Variants in GALNTL6 observed in about 807,000 individuals in gnomAD.
The protein encoded by GALNTL6 is polypeptide N-acetylgalactosaminyltransferase like 6.
In GALNTL6, 46 loss-of-function variants were observed where a neutral mutation model predicts 73.7. That is an observed-to-expected ratio of 0.62 (90% CI 0.49 to 0.80). The LOEUF is 0.80. Ranked by LOEUF, GALNTL6 falls within the 30% of genes least tolerant of loss-of-function variation. GALNTL6 has a pLI of 0.00. For missense variants in GALNTL6, 604 were observed against 755.0 expected, an observed-to-expected ratio of 0.80 and a Z score of 2.34; for synonymous variants, 259 against 263.7, an observed-to-expected ratio of 0.98 and a Z score of 0.17.
intron 7 of GALNTL6, among the ~76,000 whole-genome samples, chr4:172,821,511 TC>T (rs1172348137): frequency 1.3e-5 from 2 of 152,216 alleles, no homozygotes; most frequent in African/African-American, 4.8e-5. Context: ...ATTGCCTTGC[TC>T]CCCATACTGT....
chr4:171,982,675 T>G (rs920507781), intron 2 of GALNTL6, among the ~76,000 whole-genome samples: 1 of 152,208 alleles, frequency 6.6e-6, no homozygotes, highest in African/African-American at 2.4e-5. Context: ...AACCCCTTGA[T>G]AGTAAATCAA....
intron 3 of GALNTL6, among the ~76,000 whole-genome samples, chr4:172,256,457 C>G (rs1285644164): frequency 6.6e-6 from 1 of 151,432 alleles, no homozygotes; most frequent in Non-Finnish European, 1.5e-5. Context: ...TTCAACTGAA[C>G]ATGTAATTGG....
intron 5 of GALNTL6, among the ~76,000 whole-genome samples, chr4:172,755,916 C>T (rs1579440941): frequency 6.6e-6 from 1 of 152,182 alleles, no homozygotes; most frequent in Non-Finnish European, 1.5e-5. Flanking sequence ...AGGGATATTA[C>T]TTCAAAGTAT....
intron 2 of GALNTL6, among the ~76,000 whole-genome samples, chr4:171,860,541 A>G (rs1735805148): frequency 6.6e-6 from 1 of 152,216 alleles, no homozygotes; most frequent in Non-Finnish European, 1.5e-5. Context: ...AACCACCAGA[A>G]AAAAGACTCT....
intron 11 of GALNTL6, among the ~76,000 whole-genome samples, chr4:173,010,588 T>TC (rs1752503736): frequency 6.6e-6 from 1 of 151,966 alleles, no homozygotes; most frequent in African/African-American, 2.4e-5. Context: ...TTTTGTTGTT[T>TC]TTTTTGTTTT....
At chr4:172,649,536 TC>T (rs1740384730) in intron 5 of GALNTL6, among the ~76,000 whole-genome samples, 1 of 152,200 alleles carries the variant, frequency 6.6e-6, no homozygotes, top group African/African-American at 2.4e-5. Context: ...GTTAGAATAA[TC>T]ACAAAGTGGC....
At chr4:172,059,284 G>T (rs1392578608) in intron 2 of GALNTL6, among the ~76,000 whole-genome samples, 2 of 152,184 alleles carry the variant, frequency 1.3e-5, no homozygotes, top group East Asian at 3.9e-4. Flanking sequence ...CTCCTGGCTT[G>T]CTTCTGGGAG....
intron 2 of GALNTL6, among the ~76,000 whole-genome samples, chr4:171,874,125 G>A (rs963680239): frequency 1.3e-5 from 2 of 152,044 alleles, no homozygotes; most frequent in East Asian, 3.9e-4. Context: ...CACAAACATG[G>A]TTAATAATAG....
intron 2 of GALNTL6, among the ~76,000 whole-genome samples, chr4:172,093,156 G>T (rs2110944806): frequency 6.6e-6 from 1 of 152,160 alleles, no homozygotes; most frequent in South Asian, 2.1e-4. Flanking sequence ...ACAGGCGTGA[G>T]CCACTGCTCC....
At chr4:171,849,088 G>A (rs1037215342) in intron 2 of GALNTL6, among the ~76,000 whole-genome samples, 1 of 152,190 alleles carries the variant, frequency 6.6e-6, no homozygotes, top group Non-Finnish European at 1.5e-5. Flanking sequence ...ACTGGCACAA[G>A]AGACCCAGCT....
intron 2 of GALNTL6, among the ~76,000 whole-genome samples, chr4:172,065,306 A>G (rs1731326310): frequency 2.0e-5 from 3 of 152,094 alleles, no homozygotes. Flanking sequence ...CTCTAATGCC[A>G]CCACTGATCT....
At chr4:172,436,746 T>C (rs895514333) in intron 5 of GALNTL6, among the ~76,000 whole-genome samples, 4 of 152,130 alleles carry the variant, frequency 2.6e-5, no homozygotes, top group Admixed American at 6.6e-5. Context: ...TTTTCCACTT[T>C]GAAGTATTTC....
rs142641986 is a variant in GALNTL6, at chr4:172,263,997, A to G, written c.247+34233A>G. 4.6e-3 allele frequency among the ~76,000 whole-genome samples: 695 copies of G among 151,744 alleles called. 8 individuals are homozygous for G. Among genetic ancestry groups the G allele is most frequent in the African/African-American group, 0.016 (657 of 41,460 alleles). ...CCAGATGTATCTTAGCTTTGTTTCT[A>G]TAGAGATCTCCAGGAGTATTACTAA... On this transcript the variant is annotated intron_variant, in intron 3 of 12. Coordinates refer to ENST00000506823, the MANE Select transcript of GALNTL6 (RefSeq NM_001034845.3).
At chr4:172,724,509 G>A (rs1014175804) in intron 5 of GALNTL6, among the ~76,000 whole-genome samples, 1 of 152,126 alleles carries the variant, frequency 6.6e-6, no homozygotes, top group African/African-American at 2.4e-5. Flanking sequence ...CTCTCCCTGT[G>A]TTCAACTTTG....
intron 5 of GALNTL6, among the ~76,000 whole-genome samples, chr4:172,784,208 C>G (rs907698015): frequency 6.6e-6 from 1 of 151,970 alleles, no homozygotes; most frequent in African/African-American, 2.4e-5. Context: ...ACCTCATCAG[C>G]AGTCTAGATT....
At chr4:172,447,657 T>C (rs1372949283) in intron 5 of GALNTL6, among the ~76,000 whole-genome samples, 3 of 152,148 alleles carry the variant, frequency 2.0e-5, no homozygotes, top group Non-Finnish European at 2.9e-5. Flanking sequence ...AAGAGTTCAG[T>C]GAAAATGGCC....
intron 7 of GALNTL6, among the ~76,000 whole-genome samples, chr4:172,840,270 G>A (rs1743137933): frequency 6.6e-6 from 1 of 152,118 alleles, no homozygotes; most frequent in Non-Finnish European, 1.5e-5. Flanking sequence ...TAATCAGACG[G>A]TCATCATATA....
intron 5 of GALNTL6, among the ~76,000 whole-genome samples, chr4:172,752,046 T>TAAAAAAAA (rs5864166): frequency 7.4e-6 from 1 of 135,020 alleles, no homozygotes; most frequent in Non-Finnish European, 1.6e-5. Context: ...AACTTAAACT[T>TAAAAAAAA]AAAAAAAAAA....
At chr4:171,999,709 G>A (rs1403274113) in intron 2 of GALNTL6, among the ~76,000 whole-genome samples, 1 of 151,604 alleles carries the variant, frequency 6.6e-6, no homozygotes, top group East Asian at 1.9e-4. Context: ...CACTTTACAG[G>A]TTCTTACACA....
Sources: gnomAD v4.1 joint callset for allele counts (sites outside exome capture counted in the v4.1 genomes callset) on GRCh38, gnomAD v4.1.1 for gene constraint, MANE v1.5 for transcripts, NCBI Gene and HGNC (gene_info 2026-07-23, HGNC 2026-07-21) for gene names.